PLPP7: variants seen among roughly 807,000 people sequenced by gnomAD.
PLPP7 encodes the protein phospholipid phosphatase 7 (inactive), also known as inactive phospholipid phosphatase 7.
In PLPP7, 11 loss-of-function variants were observed where a neutral mutation model predicts 16.9. That is an observed-to-expected ratio of 0.65 (90% CI 0.41 to 1.08). The LOEUF is 1.08. Ranked by LOEUF, PLPP7 falls within the 50% of genes least tolerant of loss-of-function variation. The probability of loss-of-function intolerance (pLI) is 0.00; values close to 1 mark genes in which losing one functional copy is unlikely to be tolerated. For synonymous variants in PLPP7, 174 were observed against 175.1 expected (o/e 0.99, Z 0.05); for missense variants, 358 against 397.1 (o/e 0.90, Z 0.84).
intron 1 of PLPP7, among the ~76,000 whole-genome samples, chr9:131,301,598 C>T (rs1047704299): frequency 1.3e-5 from 2 of 152,198 alleles, no homozygotes; most frequent in African/African-American, 4.8e-5. Context: ...GGAAAAAAAG[C>T]CTTCGCTGGT....
chr9:131,308,465 C>T lies in PLPP7; in HGVS notation c.*178C>T, dbSNP rs184785872. On this transcript the variant is annotated 3_prime_UTR_variant, in exon 2 of 2. Coordinates refer to ENST00000372264, the MANE Select transcript of PLPP7 (RefSeq NM_032728.4). ...GAACCCAGGCCACCCCTCCCGGAGA[C>T]AAGCGTGTTTGGCAGTGCCAGGCCT... 1,122 of 1,089,890 alleles carry T rather than the reference C, an allele frequency of 1.0e-3. 30 individuals are homozygous for T. The Admixed American group carries it at 0.029, about 28-fold the overall frequency. The allele number at this position is 1,089,890 out of a possible 1,614,324, so 67.5% of individuals were successfully genotyped here. A position where few individuals can be genotyped will look rare whatever the true frequency, so the allele number is the denominator to read the frequency against.
In PLPP7 at chr9:131,295,008, G is replaced by A. The variant is rs1026028088; in HGVS notation, c.451+4560G>A. Among the ~76,000 whole-genome samples the A allele has an allele frequency of 6.6e-6, 1 of 151,206 alleles. No homozygotes were observed. The highest frequency in any genetic ancestry group is 1.5e-5 in the Non-Finnish European group (1 of 67,742). ...CACTCTGTCTCCAGGCTGGAGTGCA[G>A]TGGTGTGATCTTGGCTCACTGGCAT... On this transcript the variant is annotated intron_variant, in intron 1 of 1. Coordinates refer to ENST00000372264, the MANE Select transcript of PLPP7 (RefSeq NM_032728.4). The surrounding 1 kb of genome is among the most constrained non-coding windows in gnomAD (Gnocchi z 4.0).
In PLPP7 at chr9:131,291,484, C is replaced by G. The variant is rs1360099809; in HGVS notation, c.451+1036C>G. 5.3e-6 allele frequency: 5 copies of G among 945,988 alleles called. No homozygotes were observed. In the South Asian group the frequency reaches 1.6e-4, roughly 29 times the overall value. The allele number at this position is 945,988 out of a possible 1,614,324, so 58.6% of individuals were successfully genotyped here. A position where few individuals can be genotyped will look rare whatever the true frequency, so the allele number is the denominator to read the frequency against. ...GGCTCTATGCTCTCTGGGTGGGACT[C>G]GGGGAGGCAGAAACCATTGGATACT... On this transcript the variant is annotated intron_variant, in intron 1 of 1. Coordinates refer to ENST00000372264, the MANE Select transcript of PLPP7 (RefSeq NM_032728.4).
intron 1 of PLPP7, among the ~76,000 whole-genome samples, chr9:131,303,174 A>G (rs1588210080): frequency 6.6e-6 from 1 of 152,126 alleles, no homozygotes; most frequent in East Asian, 1.9e-4. Flanking sequence ...TCTACTAAAA[A>G]TAGAAAAATT....
At chr9:131,296,692 G>A (rs1412465643) in intron 1 of PLPP7, among the ~76,000 whole-genome samples, 2 of 152,176 alleles carry the variant, frequency 1.3e-5, no homozygotes, top group African/African-American at 2.4e-5. Context: ...TTCCCCGTGC[G>A]AATGCTAATG....
chr9:131,306,330 T>C (rs1835852364), intron 1 of PLPP7, among the ~76,000 whole-genome samples: 1 of 151,584 alleles, frequency 6.6e-6, no homozygotes, highest in Non-Finnish European at 1.5e-5. Context: ...TCACTTGAGG[T>C]CAGGAGTTTG....
At chr9:131,297,004 A>T (rs1344460743) in intron 1 of PLPP7, among the ~76,000 whole-genome samples, 1 of 151,916 alleles carries the variant, frequency 6.6e-6, no homozygotes, top group Admixed American at 6.6e-5. Flanking sequence ...CGCACATGCT[A>T]CCTCCTCGGA....
At chr9:131,298,220 T>C (rs1284957486) in intron 1 of PLPP7, among the ~76,000 whole-genome samples, 2 of 152,104 alleles carry the variant, frequency 1.3e-5, no homozygotes, top group Admixed American at 6.6e-5. Flanking sequence ...GGAGGAGAGT[T>C]CTGATTCCGA....
At chr9:131,293,768 G>A (rs995582020) in intron 1 of PLPP7, among the ~76,000 whole-genome samples, 1 of 152,334 alleles carries the variant, frequency 6.6e-6, no homozygotes, top group Non-Finnish European at 1.5e-5. Context: ...TGAGGGGGAT[G>A]TGGCAGGGAT....
Position 131,295,010 on chromosome 9 carries a change from G to C in PLPP7, c.451+4562G>C, listed in dbSNP as rs1835719953. On this transcript the variant is annotated intron_variant, in intron 1 of 1. Coordinates refer to ENST00000372264, the MANE Select transcript of PLPP7 (RefSeq NM_032728.4). The surrounding 1 kb of genome is among the most constrained non-coding windows in gnomAD (Gnocchi z 4.0). ...CTCTGTCTCCAGGCTGGAGTGCAGT[G>C]GTGTGATCTTGGCTCACTGGCATGA... is the stretch of plus-strand genomic sequence containing the variant. 1.3e-5 allele frequency among the ~76,000 whole-genome samples: 2 copies of C among 151,208 alleles called. No homozygotes were observed. Among genetic ancestry groups the C allele is most frequent in the Non-Finnish European group, 3.0e-5 (2 of 67,742 alleles).
chr9:131,290,053 G>T lies in PLPP7; in HGVS notation c.56G>T (p.Arg19Leu). 1.4e-6 allele frequency: 2 copies of T among 1,470,512 alleles called. No homozygotes were observed. Among genetic ancestry groups the T allele is most frequent in the African/African-American group, 1.4e-5 (1 of 69,550 alleles). 91.1% of individuals were successfully genotyped at this position (1,470,512 alleles called of 1,614,324 possible). A position where few individuals can be genotyped will look rare whatever the true frequency, so the allele number is the denominator to read the frequency against. Residue 19 changes from arginine to leucine, a missense_variant, in exon 1 of 2, where the codon CGG (arginine) becomes CTG (leucine). By Grantham distance (102) the Arg-to-Leu change is moderately radical (BLOSUM62 -2). Transcript: ENST00000372264. This position sits in a 1 kb window ranked among gnomAD's most constrained non-coding sequence, Gnocchi z 4.2. ...RARDRNNVLN[R>L]AEFLSLNQPP... ...CGGGACCGCAACAACGTCCTCAACC[G>T]GGCTGAGTTCCTGTCCCTGAACCAG...
chr9:131,295,302 C>T lies in PLPP7; in HGVS notation c.451+4854C>T, dbSNP rs1224343360. Among the ~76,000 whole-genome samples, 1 of 151,708 alleles carries T rather than the reference C, an allele frequency of 6.6e-6. No individual in the cohort carries two copies. Among genetic ancestry groups the T allele is most frequent in the Non-Finnish European group, 1.5e-5 (1 of 67,914 alleles). On this transcript the variant is annotated intron_variant, in intron 1 of 1. Coordinates refer to ENST00000372264, the MANE Select transcript of PLPP7 (RefSeq NM_032728.4). The surrounding 1 kb of genome is among the most constrained non-coding windows in gnomAD (Gnocchi z 4.0). ...CCGAGTAGCTGGGATTACAGGTGCC[C>T]GCCACCACGACTGGCTAATTTTTGT... is the stretch of plus-strand genomic sequence containing the variant.
rs763883481 is a variant in PLPP7 at position 131,289,797 on chromosome 9, G to A, written c.-201G>A. ...CATTGGAGGGCTCGATTGGCTGCCCGGCTGGCACTGACGTCCCCTTGGAGC... is the reference window on the plus strand; with the variant it reads ...CATTGGAGGGCTCGATTGGCTGCCCAGCTGGCACTGACGTCCCCTTGGAGC... On this transcript the variant is annotated 5_prime_UTR_variant, in exon 1 of 2. Coordinates refer to ENST00000372264, the MANE Select transcript of PLPP7 (RefSeq NM_032728.4). 9.5e-6 allele frequency: 4 copies of A among 421,896 alleles called. No homozygotes were observed. Among genetic ancestry groups the A allele is most frequent in the African/African-American group, 2.0e-5 (1 of 49,014 alleles). 26.1% of individuals were successfully genotyped at this position (421,896 alleles called of 1,614,324 possible).
rs757430179 is a variant in PLPP7 at position 131,308,305 on chromosome 9, A to G, written c.*18A>G. The G allele has an allele frequency of 6.4e-7, 1 of 1,572,770 alleles. No homozygotes were observed. The highest frequency in any genetic ancestry group is 8.6e-7 in the Non-Finnish European group (1 of 1,166,604). ...CCTGGTGAAGCGCCCGCCGGCCCAC[A>G]CAAGCCTCTGGGGGCAGGGCTGGCC... is the stretch of plus-strand genomic sequence containing the variant. On this transcript the variant is annotated 3_prime_UTR_variant, in exon 2 of 2. Transcript: ENST00000372264.
In PLPP7 at chr9:131,295,647, G is replaced by A. The variant is rs1187155010; in HGVS notation, c.451+5199G>A. On this transcript the variant is annotated intron_variant, in intron 1 of 1. Transcript: ENST00000372264. This position sits in a 1 kb window ranked among gnomAD's most constrained non-coding sequence, Gnocchi z 4.0. Reference sequence around the variant, plus strand: ...AACACAGAAGCTCTGTCCCCATTAAGCACTGACTCCCCACTCCCCTTCCCC... The same window carrying A: ...AACACAGAAGCTCTGTCCCCATTAAACACTGACTCCCCACTCCCCTTCCCC... Among the ~76,000 whole-genome samples the A allele has an allele frequency of 2.0e-5, 3 of 151,818 alleles. No homozygotes were observed. Among genetic ancestry groups the A allele is most frequent in the African/African-American group, 7.3e-5 (3 of 41,316 alleles).
intron 1 of PLPP7, among the ~76,000 whole-genome samples, chr9:131,299,581 A>G (rs1835773622): frequency 6.6e-6 from 1 of 152,044 alleles, no homozygotes; most frequent in South Asian, 2.1e-4. Context: ...TCTGTTGGAG[A>G]GCTGCCCTGT....
At chr9:131,297,606 G>A (rs963597178) in intron 1 of PLPP7, among the ~76,000 whole-genome samples, 9 of 152,014 alleles carry the variant, frequency 5.9e-5, no homozygotes, top group South Asian at 2.1e-4. Context: ...GGCTGGTCTC[G>A]AACTCCTGAG....
rs1233365319 is a variant in PLPP7 at position 131,297,153 on chromosome 9, C to T, written c.451+6705C>T. ...AATACACTGCCCTGGCAGCTGTCCA[C>T]ACAGCGGATGCAAGAGAAATGCAAT... On this transcript the variant is annotated intron_variant, in intron 1 of 1. Coordinates refer to ENST00000372264, the MANE Select transcript of PLPP7 (RefSeq NM_032728.4). Among the ~76,000 whole-genome samples the T allele has an allele frequency of 2.0e-5, 3 of 152,242 alleles. No individual in the cohort carries two copies. In the East Asian group the frequency reaches 5.8e-4, roughly 29 times the overall value.
At chr9:131,293,755 G>T (rs1363681784) in intron 1 of PLPP7, among the ~76,000 whole-genome samples, 1 of 151,848 alleles carries the variant, frequency 6.6e-6, no homozygotes, top group East Asian at 1.9e-4. Context: ...CCTATCTGGG[G>T]GCTGAGGGGG....
Sources: gnomAD v4.1 joint callset for allele counts (sites outside exome capture counted in the v4.1 genomes callset) on GRCh38, gnomAD v4.1.1 for gene constraint, Gnocchi (gnomAD v3.1) non-coding constraint, MANE v1.5 for transcripts, NCBI Gene and HGNC (gene_info 2026-07-23, HGNC 2026-07-21) for gene names.